Variants in DIRAS2 observed in about 807,000 individuals in gnomAD.
DIRAS2 encodes GTP-binding protein Di-Ras2.
A neutral mutation model predicts 13.9 loss-of-function variants in DIRAS2; 5 were observed. The ratio of observed to expected loss-of-function variants is 0.36; its 90% CI spans 0.19 to 0.76. The LOEUF (loss-of-function observed/expected upper bound fraction) is 0.76. Ranked by LOEUF, DIRAS2 falls within the 30% of genes least tolerant of loss-of-function variation. The probability of loss-of-function intolerance (pLI) is 0.53; values close to 1 mark genes in which losing one functional copy is unlikely to be tolerated. For synonymous variants in DIRAS2, 111 were observed against 105.4 expected (o/e 1.05, Z -0.33); for missense variants, 191 against 263.0 (o/e 0.73, Z 1.89).
At chr9:90,629,097 G>T (rs542180860) in intron 1 of DIRAS2, among the ~76,000 whole-genome samples, 7 of 150,634 alleles carry the variant, frequency 4.6e-5, no homozygotes, top group Admixed American at 1.3e-4. Context: ...CTCGTGATCT[G>T]CCCGCCTCGG....
intron 1 of DIRAS2, among the ~76,000 whole-genome samples, chr9:90,632,193 A>G (rs1032489473): frequency 6.6e-6 from 1 of 152,148 alleles, no homozygotes; most frequent in African/African-American, 2.4e-5. Flanking sequence ...TCCTATGCTC[A>G]AAACCCTCCA....
chr9:90,638,791 C>A (rs1825393679), intron 1 of DIRAS2, among the ~76,000 whole-genome samples: 1 of 152,016 alleles, frequency 6.6e-6, no homozygotes, highest in African/African-American at 2.4e-5. Flanking sequence ...CCTGGATTTG[C>A]CCTCGATGAA....
chr9:90,614,830 C>T (rs1473787978), intron 1 of DIRAS2, among the ~76,000 whole-genome samples: 1 of 152,184 alleles, frequency 6.6e-6, no homozygotes, highest in African/African-American at 2.4e-5. Context: ...AATGCAGCAA[C>T]TCTTCATCAC....
At chr9:90,636,318 G>A (rs1322876809) in intron 1 of DIRAS2, among the ~76,000 whole-genome samples, 3 of 152,094 alleles carry the variant, frequency 2.0e-5, no homozygotes, top group East Asian at 3.9e-4. Context: ...GATTATAGGC[G>A]TGAGCTACCT....
chr9:90,632,584 T>A (rs1587726069), intron 1 of DIRAS2, among the ~76,000 whole-genome samples: 1 of 152,218 alleles, frequency 6.6e-6, no homozygotes, highest in African/African-American at 2.4e-5. Context: ...TTTCCTTTTT[T>A]AAAAAATTTG....
chr9:90,614,160 A>T (rs762092959), intron 1 of DIRAS2, among the ~76,000 whole-genome samples: 1 of 152,168 alleles, frequency 6.6e-6, no homozygotes, highest in Admixed American at 6.5e-5. Flanking sequence ...GAGAGACAGC[A>T]CCAAGGAAAG....
At chr9:90,620,447 T>A (rs1273225449) in intron 1 of DIRAS2, among the ~76,000 whole-genome samples, 2 of 152,138 alleles carry the variant, frequency 1.3e-5, no homozygotes, top group Non-Finnish European at 2.9e-5. Context: ...TAAATTAACA[T>A]ATTAATACCT....
chr9:90,638,359 T>C (rs774314546), intron 1 of DIRAS2, among the ~76,000 whole-genome samples: 1 of 152,230 alleles, frequency 6.6e-6, no homozygotes, highest in African/African-American at 2.4e-5. Context: ...CAAGTTCTTT[T>C]CAAAATCTAG....
At position 90,613,817 on chromosome 9, in the gene DIRAS2, T is replaced by C. The variant is rs1342076040; in HGVS notation, c.11A>G (p.Gln4Arg). ...CACGGCCACCCGGTAATCGTTACTC[T>C]GCTCAGGCATGTTGCTGGAGAGCTC... MPE[Q>R]SNDYRVAVFG... The change falls in exon 2 of 2, where the codon CAG becomes CGG. Residue 4 changes from glutamine to arginine, a missense_variant. Coordinates refer to ENST00000375765, the MANE Select transcript of DIRAS2 (RefSeq NM_017594.5). The surrounding 1 kb of genome is among the most constrained non-coding windows in gnomAD (Gnocchi z 5.6). The C allele has an allele frequency of 1.2e-6, 2 of 1,612,018 alleles. No homozygotes were observed. Among genetic ancestry groups the C allele is most frequent in the Admixed American group, 3.3e-5 (2 of 59,944 alleles).
intron 1 of DIRAS2, among the ~76,000 whole-genome samples, chr9:90,632,493 C>A (rs1328541981): frequency 6.6e-6 from 1 of 152,188 alleles, no homozygotes; most frequent in African/African-American, 2.4e-5. Context: ...AATTTTCAAC[C>A]CTATCTTCAA....
rs1350186428 is a variant in DIRAS2 at position 90,612,650 on chromosome 9, G to A, written c.*578C>T. The A allele has an allele frequency of 6.4e-6, 1 of 155,978 alleles. No homozygotes were observed. Among genetic ancestry groups the A allele is most frequent in the East Asian group, 1.9e-4 (1 of 5,264 alleles). The allele number at this position is 155,978 out of a possible 1,614,324, so 9.7% of individuals were successfully genotyped here. A position where few individuals can be genotyped will look rare whatever the true frequency, so the allele number is the denominator to read the frequency against. ...AGGTAAGGTGAACACATCCCCTCAG[G>A]GTAGCAAGGCTCCTAACAGGCCAGG... On this transcript the variant is annotated 3_prime_UTR_variant, in exon 2 of 2. Coordinates refer to ENST00000375765, the MANE Select transcript of DIRAS2 (RefSeq NM_017594.5).
chr9:90,625,799 G>A (rs1458166337), intron 1 of DIRAS2: 1 of 152,036 alleles, frequency 6.6e-6, no homozygotes, highest in African/African-American at 2.4e-5. Flanking sequence ...TCTATATGAG[G>A]CCCTTTGTAA....
rs1236608178 is a variant in DIRAS2 at position 90,611,016 on chromosome 9, C to A, written c.*2212G>T. ...TAATACTACAGTCAGTGGCAAAGAT[C>A]GCATTCTACTGTTAACAAAGAACCC... On this transcript the variant is annotated 3_prime_UTR_variant, in exon 2 of 2. Transcript: ENST00000375765. The A allele has an allele frequency of 6.6e-6, 1 of 152,172 alleles. No homozygotes were observed. Among genetic ancestry groups the A allele is most frequent in the Non-Finnish European group, 1.5e-5 (1 of 68,040 alleles). The allele number at this position is 152,172 out of a possible 1,614,324, so 9.4% of individuals were successfully genotyped here.
chr9:90,617,618 T>G (rs1035677535), intron 1 of DIRAS2, among the ~76,000 whole-genome samples: 2 of 152,216 alleles, frequency 1.3e-5, no homozygotes, highest in African/African-American at 4.8e-5. Flanking sequence ...CATAGTTTTT[T>G]GGCTACATTC....
At chr9:90,623,179 C>CT (rs975651533) in intron 1 of DIRAS2, among the ~76,000 whole-genome samples, 2 of 151,920 alleles carry the variant, frequency 1.3e-5, no homozygotes, top group Admixed American at 6.6e-5. Flanking sequence ...CATTTTAATC[C>CT]TTTTTTTTCA....
chr9:90,629,018 C>T (rs1242538363), intron 1 of DIRAS2, among the ~76,000 whole-genome samples: 1 of 152,100 alleles, frequency 6.6e-6, no homozygotes, highest in Non-Finnish European at 1.5e-5. Context: ...CCACGCCCGG[C>T]TAATTTTTTG....
In DIRAS2 at chr9:90,613,774, A is replaced by G. The variant is rs149097534; in HGVS notation, c.54T>C (p.Val18=). The G allele has an allele frequency of 7.7e-5, 124 of 1,614,010 alleles. No individual in the cohort carries two copies. The highest frequency in any genetic ancestry group is 9.7e-5 in the Non-Finnish European group (114 of 1,180,016). The stretch of plus-strand genomic sequence containing the variant: ...ACCTCAACACCAGGGAGCTCTTGCC[A>G]ACACCGCCAGCCCCAAACACGGCCA... ...YRVAVFGAGG[V]GKSSLVLRFV... is the part of the protein sequence containing the mutation. The change falls in exon 2 of 2, where the codon GTT becomes GTC. Residue 18 remains valine, a synonymous_variant. Transcript: ENST00000375765. This position sits in a 1 kb window ranked among gnomAD's most constrained non-coding sequence, Gnocchi z 5.6.
At chr9:90,641,443 A>C (rs1325593187) in intron 1 of DIRAS2, among the ~76,000 whole-genome samples, 1 of 152,176 alleles carries the variant, frequency 6.6e-6, no homozygotes, top group African/African-American at 2.4e-5. Context: ...CATATGTTAA[A>C]TGGGATGAAA....
intron 1 of DIRAS2, among the ~76,000 whole-genome samples, chr9:90,616,579 A>G (rs1587719395): frequency 6.6e-6 from 1 of 152,214 alleles, no homozygotes; most frequent in Admixed American, 6.5e-5. Flanking sequence ...ATGTGCATTT[A>G]TGAGATAGGC....
Sources: allele counts gnomAD v4.1 joint callset (sites outside exome capture counted in the v4.1 genomes callset), GRCh38; gene constraint gnomAD v4.1.1; non-coding constraint Gnocchi (gnomAD v3.1); transcripts MANE v1.5; gene names NCBI Gene and HGNC (gene_info 2026-07-23, HGNC 2026-07-21).